CSMD3: variants seen among roughly 807,000 people sequenced by gnomAD.
The protein encoded by CSMD3 is CUB and Sushi multiple domains 3, also known as CUB and sushi domain-containing protein 3.
CSMD3 carries 177 observed loss-of-function variants against 435.2 expected under a neutral mutation model. The ratio of observed to expected loss-of-function variants is 0.41; its 90% confidence interval spans 0.36 to 0.46. CSMD3 has a LOEUF of 0.46. Among genes scored for constraint, CSMD3 ranks in the 20% least tolerant of loss-of-function variants. The pLI, the probability that CSMD3 is intolerant of heterozygous loss-of-function variation, is 0.34. For missense variants in CSMD3, 4,265 were observed against 4,504.6 expected (o/e 0.95, Z 1.52); for synonymous variants, 1,656 against 1,520.5 (o/e 1.09, Z -2.07).
Position 113,303,991 on chromosome 8 carries a change from G to C in CSMD3, c.401+10580C>G, listed in dbSNP as rs2093796748. Among the ~76,000 whole-genome samples, 4 of 139,124 alleles carry C rather than the reference G, an allele frequency of 2.9e-5. 1 individual carries two copies. In the South Asian group the frequency reaches 1.0e-3, roughly 35 times the overall value. The allele number at this position is 139,124 out of a possible 152,430, so 91.3% of individuals were successfully genotyped here. On this transcript the variant is annotated intron_variant, in intron 2 of 70. Coordinates refer to ENST00000297405, the MANE Select transcript of CSMD3 (RefSeq NM_198123.2). ...TGAACAGGCAACCTACAAAATGGGA[G>C]AAAATTTTGGCAACCTACTCATCTG... is the stretch of plus-strand genomic sequence containing the variant.
At chr8:112,984,270 C>A (rs2085165864) in intron 6 of CSMD3, among the ~76,000 whole-genome samples, 1 of 151,478 alleles carries the variant, frequency 6.6e-6, no homozygotes, top group Admixed American at 6.6e-5. Context: ...ACACAAATAC[C>A]TTTCATTTAG....
chr8:112,585,171 T>C (rs896664880), intron 23 of CSMD3, among the ~76,000 whole-genome samples: 4 of 151,570 alleles, frequency 2.6e-5, no homozygotes, highest in African/African-American at 4.8e-5. Context: ...CTTGCTGAAA[T>C]TGTTTTAAAG....
intron 13 of CSMD3, among the ~76,000 whole-genome samples, chr8:112,733,382 T>TG (rs2077116628): frequency 6.6e-6 from 1 of 150,494 alleles, no homozygotes; most frequent in African/African-American, 2.4e-5. Context: ...GCTTGTTAGT[T>TG]TTTTTTTTTA....
intron 13 of CSMD3, among the ~76,000 whole-genome samples, chr8:112,698,367 G>A (rs1250006226): frequency 6.6e-6 from 1 of 152,062 alleles, no homozygotes; most frequent in East Asian, 1.9e-4. Context: ...ACACACATAT[G>A]TACACATATA....
chr8:112,727,753 A>G (rs62516522), intron 13 of CSMD3, among the ~76,000 whole-genome samples: 5,148 of 151,924 alleles, frequency 0.034, 121 homozygotes, highest in Non-Finnish European at 0.046. Context: ...ACTTTTTACA[A>G]TAAGTATATT....
chr8:112,786,930 A>G (rs10081489), intron 13 of CSMD3, among the ~76,000 whole-genome samples: 126,977 of 152,002 alleles, frequency 0.84, 53,226 homozygotes, highest in East Asian at 0.92. Flanking sequence ...TGTCCTCCCT[A>G]TGTCCATGTG....
intron 13 of CSMD3, among the ~76,000 whole-genome samples, chr8:112,781,350 A>G (rs1464925220): frequency 6.6e-6 from 1 of 152,050 alleles, no homozygotes; most frequent in Non-Finnish European, 1.5e-5. Flanking sequence ...TTGAGGAAAA[A>G]AGAGGAAAAA....
Position 112,255,065 on chromosome 8 carries a change from G to T in CSMD3, c.10036+189C>A, listed in dbSNP as rs923853089. 6.0e-4 allele frequency among the ~76,000 whole-genome samples: 91 copies of T among 152,012 alleles called. 3 individuals carry two copies. Among genetic ancestry groups the T allele is most frequent in the Non-Finnish European group, 5.9e-5 (4 of 67,954 alleles). On this transcript the variant is annotated intron_variant, in intron 62 of 70. Coordinates refer to ENST00000297405, the MANE Select transcript of CSMD3 (RefSeq NM_198123.2). ...ATTCTTTCAAGTGTTTCTTCTGGAAGTTTAAAGTGCTAAAATTAATGTTGT... is the reference window on the plus strand; with the variant it reads ...ATTCTTTCAAGTGTTTCTTCTGGAATTTTAAAGTGCTAAAATTAATGTTGT...
intron 4 of CSMD3, among the ~76,000 whole-genome samples, chr8:113,135,646 A>T (rs2091399756): frequency 6.6e-6 from 1 of 151,790 alleles, no homozygotes; most frequent in Admixed American, 6.6e-5. Context: ...CCCAATGCTT[A>T]GACAAAAATA....
At chr8:112,690,667 A>G (rs922803986) in intron 13 of CSMD3, among the ~76,000 whole-genome samples, 1 of 151,154 alleles carries the variant, frequency 6.6e-6, no homozygotes, top group Non-Finnish European at 1.5e-5. Flanking sequence ...TATGTTCCTT[A>G]ATAAATGTTT....
intron 11 of CSMD3, among the ~76,000 whole-genome samples, chr8:112,843,401 C>T (rs1261834337): frequency 6.6e-6 from 1 of 151,810 alleles, no homozygotes; most frequent in East Asian, 1.9e-4. Context: ...CTCCTCATTG[C>T]CACCTGGGAT....
chr8:112,840,198 A>G (rs753452574), intron 11 of CSMD3, among the ~76,000 whole-genome samples: 2 of 151,732 alleles, frequency 1.3e-5, no homozygotes, highest in African/African-American at 2.4e-5. Flanking sequence ...AGTAGTTAGG[A>G]AAAGACTGGG....
At chr8:113,384,768 G>C (rs1444373608) in intron 1 of CSMD3, among the ~76,000 whole-genome samples, 1 of 152,114 alleles carries the variant, frequency 6.6e-6, no homozygotes, top group Admixed American at 6.6e-5. Flanking sequence ...ACAGGAAAAT[G>C]CCAGGGTTTT....
intron 3 of CSMD3, among the ~76,000 whole-genome samples, chr8:113,179,708 T>G (rs2131921732): frequency 6.6e-6 from 1 of 151,908 alleles, no homozygotes; most frequent in Non-Finnish European, 1.5e-5. Context: ...TAAGTAAGTT[T>G]AAAATGCAAT....
At chr8:113,310,679 C>G (rs1353716833) in intron 2 of CSMD3, 1 of 151,660 alleles carries the variant, frequency 6.6e-6, no homozygotes, top group Admixed American at 6.6e-5. Flanking sequence ...GTATAGTTTT[C>G]TAGTTGTAAT....
chr8:112,592,013 T>C (rs1299233727), intron 22 of CSMD3, among the ~76,000 whole-genome samples: 6 of 152,032 alleles, frequency 3.9e-5, no homozygotes, highest in Non-Finnish European at 7.4e-5. Flanking sequence ...TCACAGCTGT[T>C]AGTTTTTTAA....
intron 50 of CSMD3, among the ~76,000 whole-genome samples, chr8:112,309,790 T>C (rs949741173): frequency 6.6e-6 from 1 of 152,136 alleles, no homozygotes; most frequent in Non-Finnish European, 1.5e-5. Context: ...GAATTATAAA[T>C]TGCACTCTAA....
Position 112,370,577 on chromosome 8 carries a change from C to T in CSMD3, c.6136+9775G>A, listed in dbSNP as rs549669767. 4.9e-4 allele frequency among the ~76,000 whole-genome samples: 74 copies of T among 152,216 alleles called. 1 individual carries two copies. Among genetic ancestry groups the T allele is most frequent in the Middle Eastern group, 3.4e-3 (1 of 294 alleles). On this transcript the variant is annotated intron_variant, in intron 38 of 70. Transcript: ENST00000297405. Reference sequence around the variant, plus strand: ...TTTCGTGGTATTGGCTCTAGCTGTTCCCTAAAGCAGTATCTTCACTTACCA... The same window carrying T: ...TTTCGTGGTATTGGCTCTAGCTGTTTCCTAAAGCAGTATCTTCACTTACCA...
At chr8:113,171,832 T>C (rs2092273364) in intron 4 of CSMD3, among the ~76,000 whole-genome samples, 1 of 152,170 alleles carries the variant, frequency 6.6e-6, no homozygotes, top group South Asian at 2.1e-4. Context: ...TGGTTATCCT[T>C]CTGTACAGAA....
Sources: allele counts gnomAD v4.1 joint callset (sites outside exome capture counted in the v4.1 genomes callset), GRCh38; gene constraint gnomAD v4.1.1; transcripts MANE v1.5; gene names NCBI Gene and HGNC (gene_info 2026-07-23, HGNC 2026-07-21).